Variants in MDGA2 observed in about 807,000 individuals in gnomAD.
MDGA2 encodes the protein MAM domain-containing glycosylphosphatidylinositol anchor protein 2.
A neutral mutation model predicts 117.8 loss-of-function variants in MDGA2; 40 were observed. That is an observed-to-expected ratio of 0.34 (90% CI 0.26 to 0.44). The LOEUF is 0.44. Ranked by LOEUF, MDGA2 falls within the 20% of genes least tolerant of loss-of-function variation. The probability of loss-of-function intolerance (pLI) is 1.00; values close to 1 mark genes in which losing one functional copy is unlikely to be tolerated. For synonymous variants in MDGA2, 452 were observed against 439.0 expected (o/e 1.03, Z -0.37); for missense variants, 1,123 against 1,250.6 (o/e 0.90, Z 1.54).
At position 47,312,700 on chromosome 14, in the gene MDGA2, T is replaced by G. The variant is rs1889679315; in HGVS notation, c.281-11150A>C. Among the ~76,000 whole-genome samples, 3 of 144,032 alleles carry G rather than the reference T, an allele frequency of 2.1e-5. 1 individual carries two copies. Among genetic ancestry groups the G allele is most frequent in the South Asian group, 4.5e-4 (2 of 4,468 alleles). 94.5% of individuals were successfully genotyped at this position (144,032 alleles called of 152,430 possible). A position where few individuals can be genotyped will look rare whatever the true frequency, so the allele number is the denominator to read the frequency against. On this transcript the variant is annotated intron_variant, in intron 1 of 16. Transcript: ENST00000399232. ...TAGTTTTTTTTTTGTTTTGTTTTGT[T>G]TTTTTTTTTTGTAGAGATAGGGTAT...
intron 2 of MDGA2, among the ~76,000 whole-genome samples, chr14:47,294,713 A>G (rs1039880544): frequency 2.6e-5 from 4 of 152,152 alleles, no homozygotes; most frequent in Non-Finnish European, 5.9e-5. Flanking sequence ...TTTGTAAAAA[A>G]TTTAATAGAC....
At position 47,557,172 on chromosome 14, in the gene MDGA2, T is replaced by C. The variant is rs543502611; in HGVS notation, c.280+117345A>G. 1.6e-4 allele frequency among the ~76,000 whole-genome samples: 25 copies of C among 152,274 alleles called. No individual in the cohort carries two copies. The South Asian group carries it at 3.1e-3, about 19-fold the overall frequency. Reference sequence around the variant, plus strand: ...CACAAATTATTATTCAGGAGTAAAATTGAACTATCCCCAGAATGACTGTGT... The same window carrying C: ...CACAAATTATTATTCAGGAGTAAAACTGAACTATCCCCAGAATGACTGTGT... On this transcript the variant is annotated intron_variant, in intron 1 of 16. Coordinates refer to ENST00000399232, the MANE Select transcript of MDGA2 (RefSeq NM_001113498.3).
chr14:47,517,396 T>C (rs1462013642), intron 1 of MDGA2, among the ~76,000 whole-genome samples: 5 of 151,972 alleles, frequency 3.3e-5, no homozygotes, highest in East Asian at 1.9e-4. Flanking sequence ...AAGTACAAAA[T>C]GGCAGAAGAA....
intron 3 of MDGA2, among the ~76,000 whole-genome samples, chr14:47,208,297 T>G (rs897625448): frequency 6.6e-6 from 1 of 152,012 alleles, no homozygotes; most frequent in Non-Finnish European, 1.5e-5. Context: ...AATTTAAATT[T>G]GATAGTATAA....
intron 9 of MDGA2, among the ~76,000 whole-genome samples, chr14:46,956,759 C>T (rs540909587): frequency 9.2e-5 from 14 of 152,134 alleles, no homozygotes; most frequent in Non-Finnish European, 1.6e-4. Context: ...TCTGTGTCCT[C>T]ACCTAAATCT....
intron 2 of MDGA2, among the ~76,000 whole-genome samples, chr14:47,275,580 T>C (rs1594767418): frequency 6.6e-6 from 1 of 152,258 alleles, no homozygotes; most frequent in African/African-American, 2.4e-5. Flanking sequence ...TTAAACTAAA[T>C]CTAGATAACT....
chr14:47,606,585 CT>C (rs1159330938), intron 1 of MDGA2, among the ~76,000 whole-genome samples: 1 of 152,144 alleles, frequency 6.6e-6, no homozygotes, highest in Admixed American at 6.6e-5. Context: ...CAGCTAAAAA[CT>C]TACATCTGAG....
intron 2 of MDGA2, among the ~76,000 whole-genome samples, chr14:47,240,403 T>C (rs2139602836): frequency 6.6e-6 from 1 of 151,764 alleles, no homozygotes; most frequent in South Asian, 2.1e-4. Flanking sequence ...TTGAACCGGG[T>C]TATAGGAGTG....
chr14:47,289,820 T>C (rs1027609464), intron 2 of MDGA2, among the ~76,000 whole-genome samples: 1 of 152,090 alleles, frequency 6.6e-6, no homozygotes, highest in Admixed American at 6.6e-5. Flanking sequence ...TTCATTAAAA[T>C]ACATAGATTT....
intron 1 of MDGA2, among the ~76,000 whole-genome samples, chr14:47,533,277 G>A (rs1050687309): frequency 1.1e-4 from 16 of 152,256 alleles, no homozygotes; most frequent in East Asian, 7.7e-4. Context: ...TGAGACATGC[G>A]CCAATTAGAT....
intron 1 of MDGA2, among the ~76,000 whole-genome samples, chr14:47,480,242 G>A (rs1231636858): frequency 6.6e-6 from 1 of 151,884 alleles, no homozygotes; most frequent in Non-Finnish European, 1.5e-5. Context: ...AACATATCAA[G>A]GTTTACAAAT....
intron 1 of MDGA2, among the ~76,000 whole-genome samples, chr14:47,485,032 A>C (rs1894030547): frequency 6.6e-6 from 1 of 152,148 alleles, no homozygotes; most frequent in Non-Finnish European, 1.5e-5. Flanking sequence ...CGCTGCTGAA[A>C]AGACATCCAA....
At chr14:47,343,847 G>T (rs941811207) in intron 1 of MDGA2, among the ~76,000 whole-genome samples, 13 of 151,864 alleles carry the variant, frequency 8.6e-5, no homozygotes, top group Admixed American at 2.6e-4. Context: ...AACAGTTAAG[G>T]TAATATGCAT....
chr14:47,238,251 A>T (rs545238495), intron 2 of MDGA2, among the ~76,000 whole-genome samples: 80 of 152,324 alleles, frequency 5.3e-4, no homozygotes, highest in Middle Eastern at 3.4e-3. Flanking sequence ...CAATATCAGA[A>T]ATCAGAACAT....
intron 3 of MDGA2, among the ~76,000 whole-genome samples, chr14:47,203,758 G>C (rs137984951): frequency 6.6e-6 from 1 of 151,938 alleles, no homozygotes; most frequent in African/African-American, 2.4e-5. Flanking sequence ...TTTGATTCAA[G>C]AGATCTGGGC....
chr14:46,847,573 A>G (rs1027426797), intron 15 of MDGA2, among the ~76,000 whole-genome samples: 1 of 151,914 alleles, frequency 6.6e-6, no homozygotes, highest in Admixed American at 6.6e-5. Flanking sequence ...GTCTCAGAAG[A>G]CTTTTTAACA....
chr14:47,479,666 T>C (rs1035751867), intron 1 of MDGA2, among the ~76,000 whole-genome samples: 1 of 152,094 alleles, frequency 6.6e-6, no homozygotes, highest in Admixed American at 6.5e-5. Flanking sequence ...AGGCACTTAG[T>C]GACCTACACA....
chr14:47,026,628 G>A (rs1282972563), intron 8 of MDGA2, among the ~76,000 whole-genome samples: 1 of 151,880 alleles, frequency 6.6e-6, no homozygotes, highest in Non-Finnish European at 1.5e-5. Flanking sequence ...GTGTTACAGG[G>A]GAGATGATCA....
intron 9 of MDGA2, among the ~76,000 whole-genome samples, chr14:46,953,215 T>TA (rs10644327): frequency 7.9e-5 from 12 of 151,326 alleles, no homozygotes; most frequent in South Asian, 4.2e-4. Flanking sequence ...TTCCTGACTG[T>TA]AAAAAAAATC....
Sources: allele counts gnomAD v4.1 joint callset (sites outside exome capture counted in the v4.1 genomes callset), GRCh38; gene constraint gnomAD v4.1.1; transcripts MANE v1.5; gene names NCBI Gene and HGNC (gene_info 2026-07-23, HGNC 2026-07-21).